The following DHRSX variants were observed in gnomAD, a reference collection of about 807,000 sequenced individuals.
DHRSX encodes dehydrogenase/reductase X-linked, also known as polyprenol dehydrogenase.
Under a neutral mutation model 34.0 loss-of-function variants are expected in DHRSX, and 31 were observed. That is an observed-to-expected ratio of 0.91 (90% CI 0.69 to 1.23). The LOEUF is 1.23. Ranked by LOEUF, DHRSX falls within the 50% of genes most tolerant of loss-of-function variation. DHRSX has a pLI of 0.00. For synonymous variants in DHRSX, 201 were observed against 183.8 expected, an observed-to-expected ratio of 1.09 and a Z score of -0.76; for missense variants, 414 against 428.1, an observed-to-expected ratio of 0.97 and a Z score of 0.29.
At chrX:2,477,822 G>C (rs2124038102) in intron 1 of DHRSX, among the ~76,000 whole-genome samples, 1 of 151,830 alleles carries the variant, frequency 6.6e-6, no homozygotes, top group South Asian at 2.1e-4. Context: ...TCCAGCCTGG[G>C]TGACAGGGTG....
At chrX:2,352,539 G>C (rs2042800823) in intron 3 of DHRSX, among the ~76,000 whole-genome samples, 1 of 152,144 alleles carries the variant, frequency 6.6e-6, no homozygotes, top group Non-Finnish European at 1.5e-5. Context: ...ATTCTGTGAA[G>C]TTCTTCAGAC....
chrX:2,452,578 T>G (rs1265683789), intron 1 of DHRSX, among the ~76,000 whole-genome samples: 1 of 149,922 alleles, frequency 6.7e-6, no homozygotes, highest in Admixed American at 6.7e-5. Flanking sequence ...ACACTGAAGA[T>G]GTTCCCTAAG....
Position 2,367,247 on chromosome X carries a change from G to A in DHRSX, c.286+41498C>T, listed in dbSNP as rs752965568. On this transcript the variant is annotated intron_variant, in intron 3 of 6. Transcript: ENST00000334651. ...AAAGTCAGGAGTTCAAGACCAGCCTGACCAACATGGTGAAATCCCGTCTCT... is the reference window on the plus strand; with the variant it reads ...AAAGTCAGGAGTTCAAGACCAGCCTAACCAACATGGTGAAATCCCGTCTCT... Among the ~76,000 whole-genome samples the A allele has an allele frequency of 9.9e-5, 15 of 152,098 alleles. No homozygotes were observed. The South Asian group carries it at 2.9e-3, about 30-fold the overall frequency.
intron 2 of DHRSX, among the ~76,000 whole-genome samples, chrX:2,410,127 A>G (rs1350315189): frequency 2.0e-5 from 3 of 151,752 alleles, no homozygotes; most frequent in Non-Finnish European, 2.9e-5. Context: ...TTGACCCGGG[A>G]GGTTGGATTT....
At chrX:2,328,815 G>T (rs2042421390) in intron 3 of DHRSX, among the ~76,000 whole-genome samples, 1 of 152,176 alleles carries the variant, frequency 6.6e-6, no homozygotes, top group South Asian at 2.1e-4. Flanking sequence ...TCCTCAGGTG[G>T]TGTTGCAGAG....
At chrX:2,439,324 A>G (rs1004111984) in intron 1 of DHRSX, among the ~76,000 whole-genome samples, 1 of 152,118 alleles carries the variant, frequency 6.6e-6, no homozygotes, top group African/African-American at 2.4e-5. Context: ...ATATATTCAC[A>G]CATTACAGAA....
intron 3 of DHRSX, among the ~76,000 whole-genome samples, chrX:2,322,121 CT>C (rs1427617344): frequency 1.4e-4 from 20 of 147,532 alleles, no homozygotes; most frequent in South Asian, 2.3e-4. Context: ...CCTCACCCCC[CT>C]CCCACTCTTC....
chrX:2,471,391 A>T (rs936826294), intron 1 of DHRSX, among the ~76,000 whole-genome samples: 10 of 152,074 alleles, frequency 6.6e-5, no homozygotes, highest in Non-Finnish European at 4.4e-5. Context: ...ATAGGCTGAA[A>T]CCCCTTCTCT....
At chrX:2,349,235 A>G (rs913743026) in intron 3 of DHRSX, among the ~76,000 whole-genome samples, 1 of 152,154 alleles carries the variant, frequency 6.6e-6, no homozygotes, top group African/African-American at 2.4e-5. Context: ...TCACCAAGAT[A>G]TGGAATGAAC....
chrX:2,450,284 A>G (rs116810923), intron 1 of DHRSX, among the ~76,000 whole-genome samples: 10,594 of 152,130 alleles, frequency 0.07, 463 homozygotes, highest in African/African-American at 0.11. Context: ...ATGCTTAGGG[A>G]AAAAAAGTCA....
intron 5 of DHRSX, among the ~76,000 whole-genome samples, chrX:2,263,169 A>G (rs1488101804): frequency 6.6e-6 from 1 of 152,204 alleles, no homozygotes; most frequent in Admixed American, 6.5e-5. Flanking sequence ...AGAAATTCAA[A>G]GGCGAGTCCG....
chrX:2,437,714 T>C (rs1022086607), intron 1 of DHRSX, among the ~76,000 whole-genome samples: 28 of 68,576 alleles, frequency 4.1e-4, no homozygotes, highest in African/African-American at 9.3e-4. Flanking sequence ...TGTGTGTGTG[T>C]GTGTGTGTGT....
intron 1 of DHRSX, among the ~76,000 whole-genome samples, chrX:2,475,172 A>T (rs1569505098): frequency 6.6e-6 from 1 of 151,102 alleles, no homozygotes; most frequent in Non-Finnish European, 1.5e-5. Flanking sequence ...TGGCTAAGGG[A>T]CCTCCGCCAT....
chrX:2,392,091 C>CGCCACAGGGAG, intron 3 of DHRSX, among the ~76,000 whole-genome samples: 1 of 152,120 alleles, frequency 6.6e-6, no homozygotes, highest in Non-Finnish European at 1.5e-5. Flanking sequence ...CACCATCCCT[C>CGCCACAGGGAG]GCCACAGGGA....
At chrX:2,351,421 G>A (rs1018859530) in intron 3 of DHRSX, among the ~76,000 whole-genome samples, 1 of 152,148 alleles carries the variant, frequency 6.6e-6, no homozygotes, top group Admixed American at 6.5e-5. Flanking sequence ...TGAATAACAT[G>A]AGCTCTGGCA....
chrX:2,243,266 C>G (rs181936202), intron 5 of DHRSX, 36 bp from the exon 6 acceptor site: 1 of 1,584,486 alleles, frequency 6.3e-7, no homozygotes, highest in Non-Finnish European at 8.7e-7. Flanking sequence ...AAGAGGCTGA[C>G]GGCGTTCACG....
intron 1 of DHRSX, among the ~76,000 whole-genome samples, chrX:2,455,050 TGC>T (rs1469746373): frequency 2.0e-5 from 3 of 150,448 alleles, no homozygotes; most frequent in Non-Finnish European, 4.4e-5. Flanking sequence ...AGCCAGAGGT[TGC>T]GGTGAGTCAA....
chrX:2,264,982 TGCAGGAAGCACCAGTGCTCAGCAGAC>T (rs966194133), intron 5 of DHRSX, among the ~76,000 whole-genome samples: 2 of 151,254 alleles, frequency 1.3e-5, no homozygotes, highest in African/African-American at 4.9e-5. Flanking sequence ...GCCCAGCAGA[TGCAGGAAGCACCAGTGCTCAGCAGAC>T]GCAGGGAGCA....
At chrX:2,394,066 T>C (rs1367626216) in intron 3 of DHRSX, among the ~76,000 whole-genome samples, 1 of 152,230 alleles carries the variant, frequency 6.6e-6, no homozygotes, top group Non-Finnish European at 1.5e-5. Context: ...TCACAGAAGC[T>C]TGGCTGTGGG....
Sources: allele counts gnomAD v4.1 joint callset (sites outside exome capture counted in the v4.1 genomes callset), GRCh38; gene constraint gnomAD v4.1.1; transcripts MANE v1.5; gene names NCBI Gene and HGNC (gene_info 2026-07-23, HGNC 2026-07-21).